INTU: variants seen among roughly 807,000 people sequenced by gnomAD.
INTU encodes the protein inturned planar cell polarity protein.
Under a neutral mutation model 100.5 loss-of-function variants are expected in INTU, and 68 were observed. The ratio of observed to expected loss-of-function variants is 0.68; its 90% CI spans 0.56 to 0.83. The LOEUF (loss-of-function observed/expected upper bound fraction) is 0.83, where lower values mean the gene tolerates loss of function less well. INTU is among the 40% of genes least tolerant of loss of function. The pLI, the probability that INTU is intolerant of heterozygous loss-of-function variation, is 0.00. For synonymous variants in INTU, 357 were observed against 395.7 expected (o/e 0.90, Z 1.16); for missense variants, 1,071 against 1,114.7 (o/e 0.96, Z 0.56).
chr4:127,643,877 A>G lies in INTU; in HGVS notation c.503A>G (p.Lys168Arg), dbSNP rs752701739. ...YKDVNVYVNP[K>R]KLTVIKAKEQ... ...GATGTGAATGTTTATGTAAACCCCA[A>G]AAAGCTAACTGTTATCAAAGCCAAA... Residue 168 changes from lysine to arginine, a missense_variant, in exon 2 of 16, where the codon AAA (lysine) becomes AGA (arginine). By Grantham distance (26) the Lys-to-Arg change is conservative (BLOSUM62 2). Coordinates refer to ENST00000335251, the MANE Select transcript of INTU (RefSeq NM_015693.4). 2.5e-6 allele frequency: 4 copies of G among 1,614,116 alleles called. No homozygotes were observed. In the South Asian group the frequency reaches 4.4e-5, roughly 18 times the overall value.
At chr4:127,666,696 C>T (rs1043919401) in intron 4 of INTU, among the ~76,000 whole-genome samples, 2 of 152,190 alleles carry the variant, frequency 1.3e-5, no homozygotes, top group Non-Finnish European at 2.9e-5. Context: ...CTGCTTCTTG[C>T]ATGTCAGCAA....
chr4:127,634,235 TA>T (rs1415476529), intron 1 of INTU, among the ~76,000 whole-genome samples: 2 of 152,162 alleles, frequency 1.3e-5, no homozygotes, highest in African/African-American at 2.4e-5. Flanking sequence ...CTGTAGGCAT[TA>T]AAAAAATAAT....
intron 1 of INTU, among the ~76,000 whole-genome samples, chr4:127,637,570 C>G (rs1178399882): frequency 6.6e-6 from 1 of 152,204 alleles, no homozygotes; most frequent in Non-Finnish European, 1.5e-5. Flanking sequence ...TCTACCTTCT[C>G]CTAGAATCTT....
rs1470354088 is a variant in INTU at position 127,717,460 on chromosome 4, T to C, written c.*1024T>C. On this transcript the variant is annotated 3_prime_UTR_variant, in exon 16 of 16. Coordinates refer to ENST00000335251, the MANE Select transcript of INTU (RefSeq NM_015693.4). ...GCTTCAATGAACATATGTGTGCATATATATTTGTAATTGAATGATTTATAT... is the reference window on the plus strand; with the variant it reads ...GCTTCAATGAACATATGTGTGCATACATATTTGTAATTGAATGATTTATAT... 1 of 152,248 alleles carries C rather than the reference T, an allele frequency of 6.6e-6. No homozygotes were observed. Among genetic ancestry groups the C allele is most frequent in the Non-Finnish European group, 1.5e-5 (1 of 68,052 alleles). The allele number at this position is 152,248 out of a possible 1,614,324, so 9.4% of individuals were successfully genotyped here. A position where few individuals can be genotyped will look rare whatever the true frequency, so the allele number is the denominator to read the frequency against.
chr4:127,635,791 C>G (rs1727041703), intron 1 of INTU, among the ~76,000 whole-genome samples: 1 of 152,308 alleles, frequency 6.6e-6, no homozygotes, highest in African/African-American at 2.4e-5. Context: ...CCCCATGTAC[C>G]TACTTAAGTC....
In INTU at chr4:127,663,430, A is replaced by T; in HGVS notation, c.818A>T (p.His273Leu). Residue 273 changes from histidine (H) to leucine (L), a missense_variant, in exon 4 of 16, where the codon CAT becomes CTT. Coordinates refer to ENST00000335251, the MANE Select transcript of INTU (RefSeq NM_015693.4). ...NAYDVKRETS[H>L]PRQKKTQSNT... ...TATGATGTGAAAAGGGAGACGTCCC[A>T]TCCAAGACAGAAAAAGACACAGTCC... 2 of 1,613,378 alleles carry T rather than the reference A, an allele frequency of 1.2e-6. No individual in the cohort carries two copies. The highest frequency in any genetic ancestry group is 1.7e-6 in the Non-Finnish European group (2 of 1,179,488).
intron 2 of INTU, among the ~76,000 whole-genome samples, chr4:127,656,111 C>A (rs564142153): frequency 5.3e-5 from 8 of 152,282 alleles, no homozygotes; most frequent in African/African-American, 1.9e-4. Context: ...CACTGACCTA[C>A]GCCCACTGTC....
chr4:127,666,583 G>T (rs1027841505), intron 4 of INTU, among the ~76,000 whole-genome samples: 1 of 152,140 alleles, frequency 6.6e-6, no homozygotes, highest in South Asian at 2.1e-4. Context: ...CCTCAGGACA[G>T]CCCTGCTTCT....
Position 127,643,712 on chromosome 4 carries a change from A to G in INTU, c.338A>G (p.Gln113Arg). ...ERKKYEPKLK[Q>R]FTKILRRKRL... ...AAAAAGTATGAACCCAAACTCAAGC[A>G]GTTTACCAAAATTTTAAGAAGGAAA... The change falls in exon 2 of 16, where the codon CAG (glutamine) becomes CGG (arginine). Residue 113 changes from glutamine (Q) to arginine (R), a missense_variant. Physicochemically the swap from Gln to Arg is conservative, Grantham distance 43. Coordinates refer to ENST00000335251, the MANE Select transcript of INTU (RefSeq NM_015693.4). 6.2e-7 allele frequency: 1 copy of G among 1,608,992 alleles called. No individual in the cohort carries two copies.
chr4:127,687,681 C>T lies in INTU; in HGVS notation c.1263C>T (p.Ala421=), dbSNP rs763881157. Residue 421 remains alanine (A), a synonymous_variant, in exon 8 of 16, where the codon GCC becomes GCT. Transcript: ENST00000335251. ...LKFMYGSLDS[A]FCQIENVPRL... ...CTTACAGCTCTTATTTCTCCAGTGC[C>T]TTTTGCCAGATTGAGAATGTTCCTC... 2 of 1,607,650 alleles carry T rather than the reference C, an allele frequency of 1.2e-6. No individual in the cohort carries two copies. The highest frequency in any genetic ancestry group is 1.7e-6 in the Non-Finnish European group (2 of 1,175,022).
At chr4:127,636,505 G>A (rs534899846) in intron 1 of INTU, among the ~76,000 whole-genome samples, 20 of 151,792 alleles carry the variant, frequency 1.3e-4, no homozygotes, top group Middle Eastern at 3.4e-3. Context: ...CCAGCTACTC[G>A]GGAGGCTGAG....
At chr4:127,704,382 T>A in intron 10 of INTU, 92 bp downstream of exon 10, 1 of 952,684 alleles carries the variant, frequency 1.0e-6, no homozygotes, top group Non-Finnish European at 1.6e-6. Context: ...TACATTTATC[T>A]CTTTTCTTTC....
At chr4:127,675,229 A>G (rs1729120773) in intron 6 of INTU, among the ~76,000 whole-genome samples, 1 of 152,210 alleles carries the variant, frequency 6.6e-6, no homozygotes, top group Non-Finnish European at 1.5e-5. Flanking sequence ...TATGGTCTAC[A>G]AAATAGGAAT....
intron 5 of INTU, 37 bp downstream of exon 5, chr4:127,669,191 C>A: frequency 9.9e-7 from 1 of 1,007,882 alleles, no homozygotes; most frequent in Non-Finnish European, 1.5e-6. Context: ...CTGTTTTTTT[C>A]AAGTTCTTTT....
chr4:127,706,577 C>T lies in INTU; in HGVS notation c.1879C>T (p.Gln627Ter). 6.2e-7 allele frequency: 1 copy of T among 1,614,038 alleles called. No individual in the cohort carries two copies. The part of the protein sequence containing the change: ...SPGPDCVYVD[Q>*]VKTTLHQLDG... Reference sequence around the variant, plus strand: ...TGGACCAGACTGTGTATATGTGGATCAAGTCAAAACAACTCTTCACCAGCT... The same window carrying T: ...TGGACCAGACTGTGTATATGTGGATTAAGTCAAAACAACTCTTCACCAGCT... Residue 627 changes from glutamine (Q) to a stop codon, truncating the protein, a stop_gained, in exon 12 of 16, where the codon CAA (glutamine) becomes TAA (stop). Coordinates refer to ENST00000335251, the MANE Select transcript of INTU (RefSeq NM_015693.4). LOFTEE classifies it high-confidence loss of function.
At chr4:127,682,566 A>G (rs1421792012) in intron 6 of INTU, among the ~76,000 whole-genome samples, 1 of 125,544 alleles carries the variant, frequency 8.0e-6, no homozygotes, top group African/African-American at 3.1e-5. Flanking sequence ...GGACACAGGA[A>G]GGGGAACATC....
intron 6 of INTU, among the ~76,000 whole-genome samples, chr4:127,682,114 G>A (rs989097621): frequency 3.3e-5 from 5 of 152,010 alleles, no homozygotes; most frequent in African/African-American, 1.2e-4. Flanking sequence ...ACAGGTGCTG[G>A]AGAGGATGTG....
chr4:127,647,638 A>G (rs58639791), intron 2 of INTU, among the ~76,000 whole-genome samples: 2,857 of 152,274 alleles, frequency 0.019, 88 homozygotes, highest in African/African-American at 0.064. Context: ...TTGGGGGGCA[A>G]TTATGCTGCC....
At chr4:127,680,325 C>A (rs1257724322) in intron 6 of INTU, among the ~76,000 whole-genome samples, 2 of 150,572 alleles carry the variant, frequency 1.3e-5, no homozygotes, top group Admixed American at 6.7e-5. Flanking sequence ...AGACCAATAT[C>A]CTTGATGAAC....
Sources: gnomAD v4.1 joint callset for allele counts (sites outside exome capture counted in the v4.1 genomes callset) on GRCh38, gnomAD v4.1.1 for gene constraint, MANE v1.5 for transcripts, NCBI Gene and HGNC (gene_info 2026-07-23, HGNC 2026-07-21) for gene names.